The following CCNY variants were observed in gnomAD, a reference collection of about 807,000 sequenced individuals.
The protein encoded by CCNY is cyclin-Y.
A neutral mutation model predicts 42.8 loss-of-function variants in CCNY; 19 were observed. That is an observed-to-expected ratio of 0.44 (90% CI 0.31 to 0.65). The LOEUF (loss-of-function observed/expected upper bound fraction) is 0.65. Ranked by LOEUF, CCNY falls within the 30% of genes least tolerant of loss-of-function variation. The pLI is 0.07. For missense variants in CCNY, 370 were observed against 437.3 expected, an observed-to-expected ratio of 0.85 and a Z score of 1.37; for synonymous variants, 165 against 162.7, an observed-to-expected ratio of 1.01 and a Z score of -0.11.
intron 3 of CCNY, among the ~76,000 whole-genome samples, chr10:35,302,762 G>T (rs1232003611): frequency 6.6e-6 from 1 of 152,164 alleles, no homozygotes; most frequent in African/African-American, 2.4e-5. Context: ...TTCTCAATTA[G>T]TAGCAAGAGC....
intron 1 of CCNY, among the ~76,000 whole-genome samples, chr10:35,479,682 A>AC (rs1176966102): frequency 1.3e-5 from 2 of 150,006 alleles, no homozygotes; most frequent in African/African-American, 5.0e-5. Flanking sequence ...TGGGTGCAGC[A>AC]CACCAGCATG....
intron 1 of CCNY, among the ~76,000 whole-genome samples, chr10:35,354,184 CTTT>C (rs549476804): frequency 6.1e-5 from 8 of 131,480 alleles, no homozygotes; most frequent in South Asian, 2.4e-4. Flanking sequence ...CATACATAGT[CTTT>C]TTTTTTTTTT....
chr10:35,476,448 G>C (rs553073572), intron 1 of CCNY, among the ~76,000 whole-genome samples: 1 of 152,140 alleles, frequency 6.6e-6, no homozygotes, highest in Non-Finnish European at 1.5e-5. Flanking sequence ...TCAGACCACA[G>C]TGCAATCAAA....
intron 1 of CCNY, among the ~76,000 whole-genome samples, chr10:35,404,517 C>A (rs960590005): frequency 6.6e-6 from 1 of 152,082 alleles, no homozygotes; most frequent in African/African-American, 2.4e-5. Context: ...ATACCCACAA[C>A]AGTTATGGAG....
At chr10:35,451,050 G>T (rs929734516) in intron 1 of CCNY, among the ~76,000 whole-genome samples, 1 of 152,144 alleles carries the variant, frequency 6.6e-6, no homozygotes, top group African/African-American at 2.4e-5. Context: ...TCTATTTATT[G>T]TACCTTTAAA....
At chr10:35,297,469 A>G (rs941025591) in intron 3 of CCNY, among the ~76,000 whole-genome samples, 1 of 152,222 alleles carries the variant, frequency 6.6e-6, no homozygotes, top group Non-Finnish European at 1.5e-5. Context: ...CTCCTATTCA[A>G]TATAGTACTG....
chr10:35,402,824 C>T (rs758719344), intron 1 of CCNY, among the ~76,000 whole-genome samples: 2 of 152,096 alleles, frequency 1.3e-5, no homozygotes, highest in Non-Finnish European at 2.9e-5. Flanking sequence ...TGAGGTAAAA[C>T]CAGGAGCCAC....
intron 2 of CCNY, among the ~76,000 whole-genome samples, chr10:35,496,347 T>C (rs1259167476): frequency 2.6e-5 from 4 of 152,208 alleles, no homozygotes; most frequent in African/African-American, 9.6e-5. Context: ...GGCGGATGTA[T>C]AGAGGAAGGG....
intron 3 of CCNY, among the ~76,000 whole-genome samples, chr10:35,254,528 C>T (rs997936879): frequency 1.8e-4 from 27 of 151,962 alleles, no homozygotes; most frequent in Admixed American, 1.7e-3. Context: ...TCCTTGTCAT[C>T]TAATTTGATG....
chr10:35,265,563 C>T (rs972475123), intron 3 of CCNY, among the ~76,000 whole-genome samples: 7 of 152,216 alleles, frequency 4.6e-5, no homozygotes, highest in East Asian at 1.9e-4. Flanking sequence ...AGGTCTTGAC[C>T]GTGCAGCCAG....
rs1554963506 is a variant in CCNY at position 35,261,225 on chromosome 10, T to TAA, written c.-9+10612_-9+10613dup. On this transcript the variant is annotated intron_variant, in intron 3 of 11. Coordinates refer to the CCNY transcript ENST00000374706. ...GGACAACATAGCAAGACCCTGTCTC[T>TAA]AAAAAAAAAAAAAATTTTTTTTTTT... 2.8e-4 allele frequency among the ~76,000 whole-genome samples: 39 copies of TAA among 137,952 alleles called. 1 individual carries two copies. The South Asian group carries it at 7.4e-3, about 26-fold the overall frequency. 90.5% of individuals were successfully genotyped at this position (137,952 alleles called of 152,430 possible). A position where few individuals can be genotyped will look rare whatever the true frequency, so the allele number is the denominator to read the frequency against.
chr10:35,413,550 A>G (rs1837958383), intron 1 of CCNY, among the ~76,000 whole-genome samples: 1 of 152,238 alleles, frequency 6.6e-6, no homozygotes, highest in Non-Finnish European at 1.5e-5. Flanking sequence ...GCAGAGTCAG[A>G]CTGTAAAACT....
chr10:35,501,803 A>G (rs1424275871), intron 3 of CCNY: 1 of 382,562 alleles, frequency 2.6e-6, no homozygotes, highest in East Asian at 3.8e-5. Flanking sequence ...TCACCCAGCA[A>G]GTCCAAGCGA....
chr10:35,411,512 CAAAA>C (rs59117826), intron 1 of CCNY, among the ~76,000 whole-genome samples: 5 of 61,390 alleles, frequency 8.1e-5, no homozygotes, highest in South Asian at 1.8e-3. Flanking sequence ...AAGACTCTGT[CAAAA>C]AAAAAAAAAA....
chr10:35,266,078 T>C (rs1407435586), intron 3 of CCNY, among the ~76,000 whole-genome samples: 1 of 151,948 alleles, frequency 6.6e-6, no homozygotes, highest in Non-Finnish European at 1.5e-5. Context: ...CTTTTTTTAT[T>C]TACTATTATT....
chr10:35,319,527 T>G (rs983265038), intron 3 of CCNY, among the ~76,000 whole-genome samples: 1 of 152,130 alleles, frequency 6.6e-6, no homozygotes, highest in Non-Finnish European at 1.5e-5. Flanking sequence ...TTCAATGGCA[T>G]AGATAAAATG....
chr10:35,292,331 T>G (rs2135064396), intron 3 of CCNY, among the ~76,000 whole-genome samples: 1 of 152,270 alleles, frequency 6.6e-6, no homozygotes, highest in South Asian at 2.1e-4. Flanking sequence ...GATGGTATCT[T>G]TTGAAGAACA....
intron 1 of CCNY, among the ~76,000 whole-genome samples, chr10:35,458,047 A>G (rs1839076613): frequency 6.6e-6 from 1 of 152,202 alleles, no homozygotes; most frequent in African/African-American, 2.4e-5. Context: ...CATGTTATGT[A>G]CGTGTTCTTT....
At chr10:35,341,454 A>G (rs961435671) in intron 1 of CCNY, among the ~76,000 whole-genome samples, 7 of 152,232 alleles carry the variant, frequency 4.6e-5, no homozygotes, top group African/African-American at 7.2e-5. Flanking sequence ...GATATACTAT[A>G]TAAGTATAAA....
Sources: allele counts gnomAD v4.1 joint callset (sites outside exome capture counted in the v4.1 genomes callset), GRCh38; gene constraint gnomAD v4.1.1; transcripts MANE v1.5; gene names NCBI Gene and HGNC (gene_info 2026-07-23, HGNC 2026-07-21).